Variants in CNTN5 observed in about 807,000 individuals in gnomAD.
CNTN5 encodes the protein contactin-5.
In CNTN5, 77 loss-of-function variants were observed where a neutral mutation model predicts 129.1. That is an observed-to-expected ratio of 0.60 (90% CI 0.50 to 0.72). The LOEUF (loss-of-function observed/expected upper bound fraction) is 0.72. Among genes scored for constraint, CNTN5 ranks in the 30% least tolerant of loss-of-function variants. CNTN5 has a pLI of 0.00. For missense variants in CNTN5, 1,478 were observed against 1,328.8 expected (o/e 1.11, Z -1.75); for synonymous variants, 509 against 465.6 (o/e 1.09, Z -1.20).
At chr11:99,439,856 A>G (rs1943756953) in intron 2 of CNTN5, among the ~76,000 whole-genome samples, 1 of 152,166 alleles carries the variant, frequency 6.6e-6, no homozygotes, top group Non-Finnish European at 1.5e-5. Context: ...TTATGCAATG[A>G]AATACATTAG....
At chr11:99,760,883 A>G (rs1052533893) in intron 3 of CNTN5, among the ~76,000 whole-genome samples, 3 of 152,160 alleles carry the variant, frequency 2.0e-5, no homozygotes, top group Non-Finnish European at 4.4e-5. Flanking sequence ...ACTTGGCAAC[A>G]GACACCTGAG....
intron 2 of CNTN5, among the ~76,000 whole-genome samples, chr11:99,528,070 T>C (rs1012059236): frequency 1.3e-5 from 2 of 152,154 alleles, no homozygotes; most frequent in African/African-American, 4.8e-5. Context: ...AAAATACTAT[T>C]GGAAAGCTTT....
At chr11:100,190,952 C>T (rs1948466295) in intron 13 of CNTN5, among the ~76,000 whole-genome samples, 174 bp from the exon 14 acceptor site, 1 of 151,992 alleles carries the variant, frequency 6.6e-6, no homozygotes, top group African/African-American at 2.4e-5. Flanking sequence ...TTTAAGTAAG[C>T]TTATTATACT....
chr11:99,487,478 A>C (rs12284803), intron 2 of CNTN5, among the ~76,000 whole-genome samples: 30,080 of 152,160 alleles, frequency 0.2, 3,147 homozygotes, highest in Admixed American at 0.24. Context: ...GAGAGTAGGG[A>C]TGAGGCAAAT....
At chr11:99,027,060 C>A (rs11218104) in intron 1 of CNTN5, among the ~76,000 whole-genome samples, 17,504 of 151,310 alleles carry the variant, frequency 0.12, 1,131 homozygotes, top group Non-Finnish European at 0.15. Context: ...TCACAATGAA[C>A]TTGGTATGCA....
chr11:100,087,191 T>C (rs898188243), intron 13 of CNTN5, among the ~76,000 whole-genome samples: 2 of 150,744 alleles, frequency 1.3e-5, no homozygotes, highest in Non-Finnish European at 3.0e-5. Context: ...CATAAACAGA[T>C]AAAAAGAAAA....
intron 9 of CNTN5, among the ~76,000 whole-genome samples, chr11:100,028,281 C>G (rs1444089495): frequency 6.6e-6 from 1 of 152,040 alleles, no homozygotes; most frequent in East Asian, 1.9e-4. Context: ...TGCCAAGTGA[C>G]AAGAGAAAAA....
At chr11:99,938,652 CTTT>C (rs1424678061) in intron 7 of CNTN5, among the ~76,000 whole-genome samples, 8 of 152,082 alleles carry the variant, frequency 5.3e-5, no homozygotes, top group Non-Finnish European at 1.2e-4. Flanking sequence ...CAAAAATCTT[CTTT>C]ATCTAAAAGA....
chr11:99,266,429 T>C (rs117617328), intron 1 of CNTN5, among the ~76,000 whole-genome samples: 1 of 152,044 alleles, frequency 6.6e-6, no homozygotes, highest in East Asian at 1.9e-4. Flanking sequence ...TGGGACTCCA[T>C]CTCTACAAAA....
At chr11:99,380,768 C>A (rs1300854507) in intron 2 of CNTN5, among the ~76,000 whole-genome samples, 77 of 102,422 alleles carry the variant, frequency 7.5e-4, no homozygotes, top group Middle Eastern at 5.6e-3. Flanking sequence ...AACTCTATCT[C>A]AAAAAAAAAA....
chr11:99,190,342 A>T, intron 1 of CNTN5, among the ~76,000 whole-genome samples: 1 of 151,170 alleles, frequency 6.6e-6, no homozygotes, highest in Non-Finnish European at 1.5e-5. Flanking sequence ...CCTCTAGCTT[A>T]TTTATTTATT....
intron 9 of CNTN5, among the ~76,000 whole-genome samples, chr11:100,037,945 G>T (rs1397802758): frequency 6.6e-6 from 1 of 151,942 alleles, no homozygotes; most frequent in Non-Finnish European, 1.5e-5. Context: ...ATTTTTTGAA[G>T]GGTTTTTGTG....
intron 3 of CNTN5, among the ~76,000 whole-genome samples, chr11:99,645,687 C>G (rs572796552): frequency 1.3e-5 from 2 of 152,136 alleles, no homozygotes; most frequent in South Asian, 4.1e-4. Context: ...TCTCAGGAAA[C>G]TAACACAGGA....
chr11:99,467,442 C>G (rs1290624988), intron 2 of CNTN5, among the ~76,000 whole-genome samples: 3 of 152,088 alleles, frequency 2.0e-5, no homozygotes, highest in African/African-American at 7.2e-5. Flanking sequence ...GTCTTCTAAA[C>G]AACTTTCTTT....
At chr11:99,245,112 A>G (rs945450487) in intron 1 of CNTN5, among the ~76,000 whole-genome samples, 1 of 151,812 alleles carries the variant, frequency 6.6e-6, no homozygotes, top group African/African-American at 2.4e-5. Context: ...TCACTGTCAA[A>G]CTGCACACAC....
intron 9 of CNTN5, among the ~76,000 whole-genome samples, chr11:100,043,744 A>T (rs547929522): frequency 3.3e-5 from 5 of 152,188 alleles, no homozygotes; most frequent in Non-Finnish European, 7.4e-5. Context: ...TCTGGGCTAC[A>T]TTCCCTCACC....
chr11:99,351,365 T>A (rs1470733344), intron 2 of CNTN5, among the ~76,000 whole-genome samples: 1 of 152,196 alleles, frequency 6.6e-6, no homozygotes, highest in African/African-American at 2.4e-5. Context: ...TCTGAACAAC[T>A]TTCCCTGCCA....
chr11:99,077,534 A>G (rs145434565), intron 1 of CNTN5, among the ~76,000 whole-genome samples: 312 of 152,242 alleles, frequency 2.0e-3, no homozygotes, highest in African/African-American at 7.1e-3. Flanking sequence ...AAAATGACCA[A>G]ATTCTTATCT....
chr11:99,342,310 A>G (rs767755933), intron 2 of CNTN5, among the ~76,000 whole-genome samples: 1 of 152,106 alleles, frequency 6.6e-6, no homozygotes, highest in Non-Finnish European at 1.5e-5. Context: ...AGGGATATAT[A>G]TGGGAAACCT....
Sources: gnomAD v4.1 joint callset for allele counts (sites outside exome capture counted in the v4.1 genomes callset) on GRCh38, gnomAD v4.1.1 for gene constraint, MANE v1.5 for transcripts, NCBI Gene and HGNC (gene_info 2026-07-23, HGNC 2026-07-21) for gene names.